Variants in SAMD5 observed in about 807,000 individuals in gnomAD.
The protein encoded by SAMD5 is sterile alpha motif domain-containing protein 5.
In SAMD5, 13 loss-of-function variants were observed where a neutral mutation model predicts 11.3. That is an observed-to-expected ratio of 1.15 (90% CI 0.75 to 1.83). The LOEUF (loss-of-function observed/expected upper bound fraction) is 1.83. Among genes scored for constraint, SAMD5 ranks in the 40% most tolerant of loss-of-function variants. The probability of loss-of-function intolerance (pLI) is 0.00; values close to 1 mark genes in which losing one functional copy is unlikely to be tolerated. For synonymous variants in SAMD5, 129 were observed against 111.3 expected (o/e 1.16, Z -1.00); for missense variants, 255 against 239.1 (o/e 1.07, Z -0.44).
chr6:147,714,299 A>T (rs1791438101), intron 1 of SAMD5, among the ~76,000 whole-genome samples: 1 of 152,220 alleles, frequency 6.6e-6, no homozygotes, highest in Admixed American at 6.5e-5. Context: ...TGACTTAGTC[A>T]TGAGCTGTAT....
intron 1 of SAMD5, among the ~76,000 whole-genome samples, chr6:147,539,643 T>C (rs1007278481): frequency 3.3e-5 from 5 of 151,740 alleles, no homozygotes; most frequent in Non-Finnish European, 7.4e-5. Context: ...TCCCAATGAG[T>C]TCCAGGCTAC....
intron 1 of SAMD5, among the ~76,000 whole-genome samples, chr6:147,538,007 T>TAAAA (rs1367657552): frequency 2.0e-5 from 3 of 152,226 alleles, no homozygotes; most frequent in Non-Finnish European, 2.9e-5. Flanking sequence ...GCTAGTTTTT[T>TAAAA]AAATACAATT....
At chr6:147,754,358 T>TTC in the SAMD5 span, among the ~76,000 whole-genome samples, 1 of 151,700 alleles carries the variant, frequency 6.6e-6, no homozygotes, top group Non-Finnish European at 1.5e-5. Flanking sequence ...TTTTTTTTTT[T>TTC]TTTTTGAGAA....
chr6:147,697,505 A>T (rs1173403762), intron 1 of SAMD5, among the ~76,000 whole-genome samples: 1 of 152,126 alleles, frequency 6.6e-6, no homozygotes, highest in Non-Finnish European at 1.5e-5. Context: ...TTATCTTAAC[A>T]TGTTTCCAGT....
At chr6:147,648,972 C>T (rs702358) in intron 1 of SAMD5, among the ~76,000 whole-genome samples, 8,758 of 152,228 alleles carry the variant, frequency 0.058, 353 homozygotes, top group African/African-American at 0.11. Context: ...CATCACCCTG[C>T]AATGAAGAAT....
At chr6:147,640,497 C>CA (rs1172694444) in intron 1 of SAMD5, among the ~76,000 whole-genome samples, 4,171 of 24,092 alleles carry the variant, frequency 0.17, 939 homozygotes, top group Non-Finnish European at 0.19. Context: ...GACTCTGTCG[C>CA]AAAAAAAAAA....
chr6:147,873,848 A>C, the SAMD5 span, among the ~76,000 whole-genome samples: 210 of 152,264 alleles, frequency 1.4e-3, no homozygotes, highest in African/African-American at 4.8e-3. Flanking sequence ...AGATTCTTTT[A>C]ATGTCCTATA....
the SAMD5 span, among the ~76,000 whole-genome samples, chr6:147,942,823 C>CTTTTTTTTTTTTT: frequency 7.8e-6 from 1 of 128,850 alleles, no homozygotes; most frequent in Non-Finnish European, 1.6e-5. Context: ...CCCAATGCTT[C>CTTTTTTTTTTTTT]TTTTTTTTTT....
At chr6:147,944,823 A>G in the SAMD5 span, among the ~76,000 whole-genome samples, 8 of 152,096 alleles carry the variant, frequency 5.3e-5, no homozygotes, top group African/African-American at 1.9e-4. Context: ...CCTTCTGAGC[A>G]CTCTGAGGAA....
At chr6:147,896,045 A>G in the SAMD5 span, among the ~76,000 whole-genome samples, 100,326 of 152,038 alleles carry the variant, frequency 0.66, 34,132 homozygotes, top group African/African-American at 0.83. Context: ...ATCTTCAAAC[A>G]TTTTATTCAG....
chr6:147,509,483 G>A, intron 1 of SAMD5, 96 bp downstream of exon 1: 2 of 1,125,238 alleles, frequency 1.8e-6, no homozygotes, highest in South Asian at 1.6e-5. Context: ...TCCAGGTGAC[G>A]ACGGAGAGGC....
intron 1 of SAMD5, among the ~76,000 whole-genome samples, chr6:147,527,253 C>T (rs1477398332): frequency 6.6e-6 from 1 of 152,050 alleles, no homozygotes; most frequent in Non-Finnish European, 1.5e-5. Context: ...GTTCTACAGG[C>T]TGTACAGGAA....
At chr6:147,745,767 T>C in the SAMD5 span, among the ~76,000 whole-genome samples, 2 of 147,314 alleles carry the variant, frequency 1.4e-5, no homozygotes, top group Non-Finnish European at 3.0e-5. Flanking sequence ...CTGGGAAGGT[T>C]TCTTTCTTTC....
chr6:147,830,579 C>T, the SAMD5 span, among the ~76,000 whole-genome samples: 1 of 151,994 alleles, frequency 6.6e-6, no homozygotes, highest in African/African-American at 2.4e-5. Context: ...TCAATTTGCA[C>T]TTCTTTTGCT....
At chr6:147,584,429 C>T (rs776040605) in intron 1 of SAMD5, among the ~76,000 whole-genome samples, 1 of 152,302 alleles carries the variant, frequency 6.6e-6, no homozygotes, top group Non-Finnish European at 1.5e-5. Flanking sequence ...TATCCTCATG[C>T]CAAAGACCAC....
intron 1 of SAMD5, among the ~76,000 whole-genome samples, chr6:147,670,527 C>T (rs1301020099): frequency 2.6e-5 from 4 of 152,244 alleles, no homozygotes; most frequent in Non-Finnish European, 5.9e-5. Flanking sequence ...TAGCTGCTTT[C>T]ACCCATGATC....
At chr6:147,781,134 C>T in the SAMD5 span, among the ~76,000 whole-genome samples, 2 of 149,188 alleles carry the variant, frequency 1.3e-5, no homozygotes, top group Non-Finnish European at 3.0e-5. Context: ...ATTTTTGTTT[C>T]GATGGTTGGT....
chr6:147,742,484 A>G (rs765419307), downstream of SAMD5, among the ~76,000 whole-genome samples: 1 of 152,232 alleles, frequency 6.6e-6, no homozygotes, highest in Non-Finnish European at 1.5e-5. Flanking sequence ...TTTCTGTGAT[A>G]TATAAAATTA....
chr6:147,911,779 C>T, the SAMD5 span, among the ~76,000 whole-genome samples: 4 of 152,204 alleles, frequency 2.6e-5, no homozygotes, highest in East Asian at 5.8e-4. Context: ...ATCTGTGGGT[C>T]AGCTGAGTAG....
Sources: allele counts gnomAD v4.1 joint callset (sites outside exome capture counted in the v4.1 genomes callset), GRCh38; gene constraint gnomAD v4.1.1; transcripts MANE v1.5; gene names NCBI Gene and HGNC (gene_info 2026-07-23, HGNC 2026-07-21).